ADCY2: variants seen among roughly 807,000 people sequenced by gnomAD.
ADCY2 encodes adenylate cyclase 2.
Under a neutral mutation model 125.2 loss-of-function variants are expected in ADCY2, and 31 were observed. The ratio of observed to expected loss-of-function variants is 0.25; its 90% CI spans 0.19 to 0.33. ADCY2 has a LOEUF of 0.33. ADCY2 is among the 10% of genes least tolerant of loss of function. ADCY2 has a pLI of 1.00. For missense variants in ADCY2, 904 were observed against 1,418.2 expected (o/e 0.64, Z 5.82); for synonymous variants, 512 against 548.4 (o/e 0.93, Z 0.93).
chr5:7,505,572 C>T (rs1380670560), intron 2 of ADCY2, among the ~76,000 whole-genome samples: 1 of 152,244 alleles, frequency 6.6e-6, no homozygotes, highest in Non-Finnish European at 1.5e-5. Flanking sequence ...GAAAGCCCCA[C>T]TGAGCCAACG....
chr5:7,752,479 T>A (rs1742858051), intron 15 of ADCY2, among the ~76,000 whole-genome samples: 1 of 46,600 alleles, frequency 2.1e-5, no homozygotes, highest in Non-Finnish European at 4.3e-5. Context: ...TTTTCTGGAT[T>A]TTTTTTTTCA....
At position 7,752,004 on chromosome 5, in the gene ADCY2, C is replaced by T. The variant is rs138785312; in HGVS notation, c.1957-5445C>T. 1.7e-3 allele frequency among the ~76,000 whole-genome samples: 253 copies of T among 152,300 alleles called. 2 individuals carry two copies. The highest frequency in any genetic ancestry group is 5.8e-3 in the African/African-American group (239 of 41,546). On this transcript the variant is annotated intron_variant, in intron 15 of 24. Transcript: ENST00000338316. ...ATACTGGCCTCTGGGAAAACAGAGA[C>T]AAGTGCGATATGGTCACTGTCCTCA...
intron 2 of ADCY2, among the ~76,000 whole-genome samples, chr5:7,455,177 G>A (rs1741623769): frequency 6.6e-6 from 1 of 152,158 alleles, no homozygotes; most frequent in East Asian, 1.9e-4. Flanking sequence ...TGTAATGAAT[G>A]TCAGCTTGAA....
chr5:7,486,226 C>T (rs1197839839), intron 2 of ADCY2, among the ~76,000 whole-genome samples: 3 of 152,086 alleles, frequency 2.0e-5, no homozygotes, highest in South Asian at 2.1e-4. Flanking sequence ...CATGAAGTAT[C>T]GTAATAGTCA....
chr5:7,519,052 G>A (rs964505637), intron 2 of ADCY2, among the ~76,000 whole-genome samples: 4 of 152,138 alleles, frequency 2.6e-5, no homozygotes, highest in African/African-American at 4.8e-5. Context: ...GTGCCAAATC[G>A]AAGAGTGCCT....
intron 3 of ADCY2, among the ~76,000 whole-genome samples, chr5:7,559,654 G>A (rs761096844): frequency 1.6e-4 from 24 of 152,224 alleles, no homozygotes; most frequent in Non-Finnish European, 2.6e-4. Context: ...CTTCCTATTT[G>A]GATGCCTTTA....
intron 7 of ADCY2, among the ~76,000 whole-genome samples, chr5:7,702,157 C>T (rs1419300779): frequency 4.0e-5 from 6 of 151,330 alleles, no homozygotes; most frequent in South Asian, 2.1e-4. Context: ...TTTGGGAGGC[C>T]GAGGTGGACT....
chr5:7,803,271 TGAGTGACA>T (rs940674222), intron 21 of ADCY2, among the ~76,000 whole-genome samples: 2 of 152,186 alleles, frequency 1.3e-5, no homozygotes, highest in African/African-American at 4.8e-5. Flanking sequence ...TACTAACGAA[TGAGTGACA>T]GTGGATATGT....
chr5:7,698,721 C>T (rs1185164405), intron 7 of ADCY2, among the ~76,000 whole-genome samples: 1 of 152,198 alleles, frequency 6.6e-6, no homozygotes, highest in East Asian at 1.9e-4. Context: ...ATGAACTCAT[C>T]GTTTTTTATG....
At chr5:7,623,608 C>T (rs1200365333) in intron 3 of ADCY2, among the ~76,000 whole-genome samples, 1 of 152,078 alleles carries the variant, frequency 6.6e-6, no homozygotes, top group African/African-American at 2.4e-5. Context: ...CTGACATTCC[C>T]AGAAAAGGTG....
intron 12 of ADCY2, among the ~76,000 whole-genome samples, chr5:7,719,526 T>G (rs1741696946): frequency 6.6e-6 from 1 of 152,244 alleles, no homozygotes; most frequent in African/African-American, 2.4e-5. Context: ...ACCATTCACT[T>G]GTTTCCTGCT....
At chr5:7,819,450 G>C (rs1745225762) in intron 23 of ADCY2, among the ~76,000 whole-genome samples, 1 of 152,196 alleles carries the variant, frequency 6.6e-6, no homozygotes, top group Non-Finnish European at 1.5e-5. Context: ...TCCTGGTCTA[G>C]ACTTCAGTGA....
chr5:7,648,474 C>A (rs761879760), intron 4 of ADCY2, among the ~76,000 whole-genome samples: 3 of 152,094 alleles, frequency 2.0e-5, no homozygotes, highest in African/African-American at 7.2e-5. Flanking sequence ...TTATCAGTTG[C>A]GGTCCAAGAA....
chr5:7,590,269 A>G (rs1198964986), intron 3 of ADCY2, among the ~76,000 whole-genome samples: 2 of 152,182 alleles, frequency 1.3e-5, no homozygotes, highest in Admixed American at 1.3e-4. Context: ...GGGATTATTA[A>G]TTGATATTGT....
intron 2 of ADCY2, among the ~76,000 whole-genome samples, chr5:7,415,894 C>A (rs6866171): frequency 0.14 from 21,249 of 151,902 alleles, 2,009 homozygotes; most frequent in Non-Finnish European, 0.21. Context: ...AGTTTTGAAG[C>A]CATCCAGGGA....
intron 4 of ADCY2, among the ~76,000 whole-genome samples, chr5:7,680,159 C>T (rs756466405): frequency 2.2e-4 from 33 of 152,052 alleles, no homozygotes; most frequent in Non-Finnish European, 3.7e-4. Context: ...AGACTGTTAC[C>T]CCCCAGGAAA....
At chr5:7,658,399 T>TTGTGTG (rs369870574) in intron 4 of ADCY2, among the ~76,000 whole-genome samples, 3,411 of 130,900 alleles carry the variant, frequency 0.026, 59 homozygotes, top group South Asian at 0.087. Context: ...GTGAAGAGAA[T>TTGTGTG]TGTGTGTGTG....
chr5:7,558,471 G>C (rs1293576748), intron 3 of ADCY2, among the ~76,000 whole-genome samples: 1 of 152,136 alleles, frequency 6.6e-6, no homozygotes, highest in Admixed American at 6.6e-5. Flanking sequence ...ATTGTTGGCT[G>C]CATGTATATC....
chr5:7,407,108 C>T (rs1278277330), intron 1 of ADCY2, among the ~76,000 whole-genome samples: 2 of 152,298 alleles, frequency 1.3e-5, no homozygotes, highest in Admixed American at 6.5e-5. Flanking sequence ...TGGTGGACGT[C>T]GCAGATTGCA....
Sources: allele counts gnomAD v4.1 joint callset (sites outside exome capture counted in the v4.1 genomes callset), GRCh38; gene constraint gnomAD v4.1.1; transcripts MANE v1.5; gene names NCBI Gene and HGNC (gene_info 2026-07-23, HGNC 2026-07-21).